USP38: variants seen among roughly 807,000 people sequenced by gnomAD.
USP38 encodes ubiquitin carboxyl-terminal hydrolase 38.
Under a neutral mutation model 94.3 loss-of-function variants are expected in USP38, and 49 were observed. The observed-to-expected ratio is 0.52, with a 90% CI of 0.41 to 0.66. The LOEUF (loss-of-function observed/expected upper bound fraction) is 0.66. Ranked by LOEUF, USP38 falls within the 30% of genes least tolerant of loss-of-function variation. The pLI is 0.00. For synonymous variants in USP38, 468 were observed against 463.6 expected (o/e 1.01, Z -0.12); for missense variants, 1,128 against 1,229.4 (o/e 0.92, Z 1.23).
intron 5 of USP38, among the ~76,000 whole-genome samples, chr4:143,204,909 A>C (rs1448968659): frequency 2.6e-5 from 4 of 152,200 alleles, no homozygotes. Flanking sequence ...GATTAAAAAC[A>C]GTTCTTTTTA....
At chr4:143,211,322 A>G (rs1274117583) in intron 7 of USP38, among the ~76,000 whole-genome samples, 1 of 152,138 alleles carries the variant, frequency 6.6e-6, no homozygotes, top group Non-Finnish European at 1.5e-5. Context: ...ATAAAACAAC[A>G]CTTATTGAAC....
rs554126637 is a variant in USP38 at position 143,197,986 on chromosome 4, T to C, written c.1050+62T>C. ...CTCAATTTGAAAATTTAGTTTAATATTGAGTCACATTTTTATGTAGTGAAA... is the reference window on the plus strand; with the variant it reads ...CTCAATTTGAAAATTTAGTTTAATACTGAGTCACATTTTTATGTAGTGAAA... On this transcript the variant is annotated intron_variant, in intron 4 of 9. Transcript: ENST00000307017. 1.8e-4 allele frequency: 213 copies of C among 1,193,974 alleles called. 3 individuals are homozygous for C. The South Asian group carries it at 2.6e-3, about 15-fold the overall frequency. 74.0% of individuals were successfully genotyped at this position (1,193,974 alleles called of 1,614,324 possible).
rs780068824 is a variant in USP38, at chr4:143,185,423, C to T, written c.-28C>T. On this transcript the variant is annotated 5_prime_UTR_variant, in exon 1 of 10. Coordinates refer to ENST00000307017, the MANE Select transcript of USP38 (RefSeq NM_032557.6). ...GCTGCCGCCACCCGCTCCTTATCCC[C>T]TGGCCCTGGCCTTGCAGCGTGGCGA... 1.5e-5 allele frequency: 23 copies of T among 1,548,102 alleles called. No homozygotes were observed. Among genetic ancestry groups the T allele is most frequent in the East Asian group, 9.0e-5 (4 of 44,262 alleles).
Position 143,185,337 on chromosome 4 carries a change from C to CGCT in USP38, c.-105_-103dup. The CGCT allele has an allele frequency of 9.9e-6, 12 of 1,214,546 alleles. No homozygotes were observed. Among genetic ancestry groups the CGCT allele is most frequent in the Non-Finnish European group, 1.2e-5 (11 of 893,838 alleles). The allele number at this position is 1,214,546 out of a possible 1,614,324, so 75.2% of individuals were successfully genotyped here. Reference sequence around the variant, plus strand: ...AGGCGGCGGTGGCCGTGGCCCGTCGCGCTGCTGCTGCGGCGCTCCAAGTTC... The same window carrying CGCT: ...AGGCGGCGGTGGCCGTGGCCCGTCGCGCTGCTGCTGCTGCGGCGCTCCAAGTTC... On this transcript the variant is annotated 5_prime_UTR_variant, in exon 1 of 10. Coordinates refer to ENST00000307017, the MANE Select transcript of USP38 (RefSeq NM_032557.6).
rs370661676 is a variant in USP38 at position 143,185,931 on chromosome 4, G to A, written c.481G>A (p.Gly161Arg). Residue 161 changes from glycine (G) to arginine (R), a missense_variant, in exon 1 of 10, where the codon GGG (glycine) becomes AGG (arginine). Coordinates refer to ENST00000307017, the MANE Select transcript of USP38 (RefSeq NM_032557.6). ...CGACTTTGTGCAATGCATCCCCAAG[G>A]GGAAATTGTCCATCACGTTCTGTCA... Reference protein sequence around the residue: ...LTDFVQCIPKGKLSITFCQQL... With the variant: ...LTDFVQCIPKRKLSITFCQQL... 16 of 1,614,034 alleles carry A rather than the reference G, an allele frequency of 9.9e-6. No individual in the cohort carries two copies. The African/African-American group carries it at 1.6e-4, about 16-fold the overall frequency.
At chr4:143,205,082 C>T (rs1184315291) in intron 5 of USP38, among the ~76,000 whole-genome samples, 1 of 152,156 alleles carries the variant, frequency 6.6e-6, no homozygotes, top group Non-Finnish European at 1.5e-5. Context: ...TCTCTTTCTA[C>T]ATTGTCCCTG....
chr4:143,187,793 C>G (rs1274214688), intron 1 of USP38, 33 bp from the exon 2 acceptor site: 2 of 1,583,070 alleles, frequency 1.3e-6, no homozygotes, highest in South Asian at 2.3e-5. Context: ...ACCTACTTGC[C>G]ATGTTCCCTT....
chr4:143,188,033 A>G lies in USP38; in HGVS notation c.818+72A>G, dbSNP rs1000018269. 4.1e-6 allele frequency: 6 copies of G among 1,447,418 alleles called. No individual in the cohort carries two copies. The African/African-American group carries it at 5.8e-5, about 14-fold the overall frequency. The allele number at this position is 1,447,418 out of a possible 1,614,324, so 89.7% of individuals were successfully genotyped here. A position where few individuals can be genotyped will look rare whatever the true frequency, so the allele number is the denominator to read the frequency against. On this transcript the variant is annotated intron_variant, in intron 2 of 9. Transcript: ENST00000307017. ...AGGAAGTATTTTGTATTTTGTGAGTAATGAAAAACTTACGAATGTTTAAAA... is the reference window on the plus strand; with the variant it reads ...AGGAAGTATTTTGTATTTTGTGAGTGATGAAAAACTTACGAATGTTTAAAA...
intron 2 of USP38, among the ~76,000 whole-genome samples, chr4:143,192,550 CTTTTTTTT>C (rs35416730): frequency 9.7e-5 from 10 of 103,410 alleles, no homozygotes; most frequent in African/African-American, 1.1e-4. Context: ...TCCCATATTA[CTTTTTTTT>C]TTTTTTTTTT....
In USP38 at chr4:143,204,866, G is replaced by A. The variant is rs191392625; in HGVS notation, c.1210-1167G>A. ...TTTGAGATCTGAATTTCAACATAAAGGTCTTATTATCTTTACTTCTGTATC... is the reference window on the plus strand; with the variant it reads ...TTTGAGATCTGAATTTCAACATAAAAGTCTTATTATCTTTACTTCTGTATC... On this transcript the variant is annotated intron_variant, in intron 5 of 9. Coordinates refer to ENST00000307017, the MANE Select transcript of USP38 (RefSeq NM_032557.6). Among the ~76,000 whole-genome samples, 232 of 152,164 alleles carry A rather than the reference G, an allele frequency of 1.5e-3. 1 individual carries two copies. The highest frequency in any genetic ancestry group is 5.3e-3 in the African/African-American group (222 of 41,530).
intron 3 of USP38, among the ~76,000 whole-genome samples, chr4:143,196,291 G>A (rs997514118): frequency 6.6e-6 from 1 of 152,174 alleles, no homozygotes; most frequent in African/African-American, 2.4e-5. Flanking sequence ...GGATGACAGA[G>A]CAAGACTGCG....
intron 4 of USP38, among the ~76,000 whole-genome samples, chr4:143,201,350 C>G (rs1436411698): frequency 6.6e-6 from 1 of 152,162 alleles, no homozygotes; most frequent in African/African-American, 2.4e-5. Context: ...AAGCTGGACC[C>G]CTTCCTTACA....
At chr4:143,204,317 A>T (rs1412211037) in intron 5 of USP38, 1 of 439,458 alleles carries the variant, frequency 2.3e-6, no homozygotes, top group Non-Finnish European at 4.5e-6. Flanking sequence ...ACTGTTCATC[A>T]ATGTTTCGAA....
At position 143,201,294 on chromosome 4, in the gene USP38, C is replaced by T. The variant is rs186782370; in HGVS notation, c.1051-2114C>T. Among the ~76,000 whole-genome samples, 336 of 152,262 alleles carry T rather than the reference C, an allele frequency of 2.2e-3. 1 individual carries two copies. Among genetic ancestry groups the T allele is most frequent in the African/African-American group, 7.9e-3 (330 of 41,558 alleles). The stretch of plus-strand genomic sequence containing the variant: ...AGCAATGGGGAAAAGGCTCCCTCTT[C>T]AATAAATGGTGCTTTGACAACTGGC... On this transcript the variant is annotated intron_variant, in intron 4 of 9. Transcript: ENST00000307017.
intron 5 of USP38, among the ~76,000 whole-genome samples, chr4:143,204,257 G>GGCGT (rs997990384): frequency 9.2e-5 from 14 of 152,312 alleles, no homozygotes; most frequent in African/African-American, 3.1e-4. Context: ...TGGGATTACA[G>GGCGT]GCGTGAGCCA....
At chr4:143,220,171 C>T in intron 9 of USP38, 124 bp from the exon 10 acceptor site, 2 of 1,103,052 alleles carry the variant, frequency 1.8e-6, no homozygotes, top group Admixed American at 3.7e-5. Flanking sequence ...GCTTTAGTTT[C>T]AAAGTTATTG....
chr4:143,215,219 A>G (rs1732152786), intron 9 of USP38: 2 of 392,632 alleles, frequency 5.1e-6, no homozygotes, highest in Non-Finnish European at 9.2e-6. Context: ...AAATACAGAA[A>G]GTTTACAAAA....
chr4:143,203,685 G>T, intron 5 of USP38, 119 bp downstream of exon 5: 3 of 1,088,482 alleles, frequency 2.8e-6, no homozygotes, highest in Non-Finnish European at 3.8e-6. Context: ...TTTGAAAAAT[G>T]CAGTTAGAAT....
At chr4:143,189,670 A>G (rs1335872127) in intron 2 of USP38, among the ~76,000 whole-genome samples, 2 of 151,898 alleles carry the variant, frequency 1.3e-5, no homozygotes, top group Non-Finnish European at 2.9e-5. Flanking sequence ...TTTTACTTCC[A>G]GTTTCATACT....
Sources: allele counts gnomAD v4.1 joint callset (sites outside exome capture counted in the v4.1 genomes callset), GRCh38; gene constraint gnomAD v4.1.1; transcripts MANE v1.5; gene names NCBI Gene and HGNC (gene_info 2026-07-23, HGNC 2026-07-21).